The following MAFG variants were observed in gnomAD, a reference collection of about 807,000 sequenced individuals.
MAFG encodes transcription factor MafG.
A neutral mutation model predicts 12.2 loss-of-function variants in MAFG; 3 were observed. The ratio of observed to expected loss-of-function variants is 0.25; its 90% CI spans 0.11 to 0.64. The LOEUF (loss-of-function observed/expected upper bound fraction) is 0.64, where lower values mean the gene tolerates loss of function less well. Ranked by LOEUF, MAFG falls within the 30% of genes least tolerant of loss-of-function variation. The pLI is 0.85. For missense variants in MAFG, 153 were observed against 235.5 expected (o/e 0.65, Z 2.29); for synonymous variants, 126 against 109.1 (o/e 1.15, Z -0.96).
chr17:81,923,316 G>A (rs1026860022), intron 1 of MAFG, 102 bp from the exon 2 acceptor site: 97 of 684,564 alleles, frequency 1.4e-4, no homozygotes, highest in Admixed American at 9.1e-4. Flanking sequence ...CGCACAGCCC[G>A]CCCCAGCCTG....
Position 81,921,333 on chromosome 17 carries a change from A to T in MAFG, c.*1272T>A, listed in dbSNP as rs1294198607. The T allele has an allele frequency of 1.3e-5, 2 of 152,398 alleles. No individual in the cohort carries two copies. The highest frequency in any genetic ancestry group is 2.9e-5 in the Non-Finnish European group (2 of 68,112). The allele number at this position is 152,398 out of a possible 1,614,324, so 9.4% of individuals were successfully genotyped here. The stretch of plus-strand genomic sequence containing the variant: ...AGCCAGCAGAAGCAAAAGCACAACT[A>T]AACCCAAAAAACGAACACGGGAAAA... On this transcript the variant is annotated 3_prime_UTR_variant, in exon 3 of 3. Transcript: ENST00000357736.
At chr17:81,923,253 C>T in intron 1 of MAFG, 39 bp from the exon 2 acceptor site, 1 of 1,117,870 alleles carries the variant, frequency 8.9e-7, no homozygotes, top group Non-Finnish European at 1.2e-6. Flanking sequence ...TGGAGACCAC[C>T]CTCGCCGCAC....
Position 81,922,306 on chromosome 17 carries a change from G to T in MAFG, c.*299C>A. ...TCTCTCCCGCAACTCTCTCTAGTCC[G>T]TTCCCACAGCACCAACTCTGGACTC... On this transcript the variant is annotated 3_prime_UTR_variant, in exon 3 of 3. Coordinates refer to ENST00000357736, the MANE Select transcript of MAFG (RefSeq NM_002359.4). The T allele has an allele frequency of 4.2e-6, 1 of 239,672 alleles. No individual in the cohort carries two copies. Among genetic ancestry groups the T allele is most frequent in the Non-Finnish European group, 8.0e-6 (1 of 125,050 alleles). 14.8% of individuals were successfully genotyped at this position (239,672 alleles called of 1,614,324 possible).
chr17:81,921,917 T>C lies in MAFG; in HGVS notation c.*688A>G, dbSNP rs1034337344. ...GCTATATAACCACACAAATAGGTCA[T>C]GTAAACAGTGACACGGGACCCATCG... is the stretch of plus-strand genomic sequence containing the variant. On this transcript the variant is annotated 3_prime_UTR_variant, in exon 3 of 3. Coordinates refer to ENST00000357736, the MANE Select transcript of MAFG (RefSeq NM_002359.4). 2 of 152,210 alleles carry C rather than the reference T, an allele frequency of 1.3e-5. No individual in the cohort carries two copies. The highest frequency in any genetic ancestry group is 6.5e-5 in the Admixed American group (1 of 15,280). 9.4% of individuals were successfully genotyped at this position (152,210 alleles called of 1,614,324 possible).
rs1184864787 is a variant in MAFG, at chr17:81,921,582, T to A, written c.*1023A>T. On this transcript the variant is annotated 3_prime_UTR_variant, in exon 3 of 3. Coordinates refer to ENST00000357736, the MANE Select transcript of MAFG (RefSeq NM_002359.4). ...GGCTTTTTTTTTTTTGTCTTTTTTT[T>A]AAACTAAGTTTTATAAATAATGTCT... is the stretch of plus-strand genomic sequence containing the variant. The A allele has an allele frequency of 1.3e-5, 2 of 151,880 alleles. No individual in the cohort carries two copies. Among genetic ancestry groups the A allele is most frequent in the Non-Finnish European group, 2.9e-5 (2 of 67,966 alleles). 9.4% of individuals were successfully genotyped at this position (151,880 alleles called of 1,614,324 possible).
chr17:81,922,880 G>T lies in MAFG; in HGVS notation c.214C>A (p.Arg72=), dbSNP rs1394545936. The change falls in exon 3 of 3, where the codon CGG becomes AGG. Residue 72 remains arginine, a synonymous_variant. Coordinates refer to ENST00000357736, the MANE Select transcript of MAFG (RefSeq NM_002359.4). ...RGYAASCRVK[R]VTQKEELEKQ... ...TCCAGCTCCTCCTTCTGCGTCACCC[G>T]CTTCACGCGGCAGCTGGCAGCGTAG... is the stretch of plus-strand genomic sequence containing the variant. 4.3e-6 allele frequency: 7 copies of T among 1,611,070 alleles called. No homozygotes were observed. Among genetic ancestry groups the T allele is most frequent in the Middle Eastern group, 1.7e-4 (1 of 6,056 alleles).
rs2040890221 is a variant in MAFG at position 81,921,622 on chromosome 17, T to C, written c.*983A>G. The C allele has an allele frequency of 6.6e-6, 1 of 151,834 alleles. No homozygotes were observed. The highest frequency in any genetic ancestry group is 1.5e-5 in the Non-Finnish European group (1 of 67,962). 9.4% of individuals were successfully genotyped at this position (151,834 alleles called of 1,614,324 possible). On this transcript the variant is annotated 3_prime_UTR_variant, in exon 3 of 3. Transcript: ENST00000357736. ...AAATAATGTCTGATAACTCTGTGTATATAAAAACTAAACTCCAACAGCCAC... is the reference window on the plus strand; with the variant it reads ...AAATAATGTCTGATAACTCTGTGTACATAAAAACTAAACTCCAACAGCCAC...
upstream of MAFG, chr17:81,927,951 C>T (rs2040956547): frequency 6.6e-6 from 1 of 152,212 alleles, no homozygotes; most frequent in South Asian, 2.1e-4. Flanking sequence ...CCCCGGCGTC[C>T]TGCAGCCGGA....
rs1417044751 is a variant in MAFG at position 81,926,297 on chromosome 17, G to A, written c.-30+1231C>T. 6.6e-6 allele frequency among the ~76,000 whole-genome samples: 1 copy of A among 152,074 alleles called. No individual in the cohort carries two copies. The highest frequency in any genetic ancestry group is 1.5e-5 in the Non-Finnish European group (1 of 68,006). The stretch of plus-strand genomic sequence containing the variant: ...CAACTTTAGGGTGGCTGGGTGCTGC[G>A]TTCTGCCACCCTGTGCCATCCACAC... On this transcript the variant is annotated intron_variant, in intron 1 of 2. Coordinates refer to ENST00000357736, the MANE Select transcript of MAFG (RefSeq NM_002359.4). This position sits in a 1 kb window ranked among gnomAD's most constrained non-coding sequence, Gnocchi z 4.6.
chr17:81,930,063 A>G (rs1401943939), upstream of MAFG: 2 of 151,082 alleles, frequency 1.3e-5, no homozygotes, highest in Non-Finnish European at 2.9e-5. This position sits in a 1 kb window ranked among gnomAD's most constrained non-coding sequence, Gnocchi z 4.1. Flanking sequence ...GACTGACCTT[A>G]AGACCCCATC....
At chr17:81,928,700 C>G (rs376994686), upstream of MAFG, among the ~76,000 whole-genome samples, 6 of 152,306 alleles carry the variant, frequency 3.9e-5, no homozygotes, top group East Asian at 1.2e-3. The surrounding 1 kb of genome is among the most constrained non-coding windows in gnomAD (Gnocchi z 8.1). Context: ...GGACACAGCC[C>G]GAGTCTCACA....
At position 81,923,266 on chromosome 17, in the gene MAFG, C is replaced by CT. The variant is rs1555620246; in HGVS notation, c.-29-53_-29-52insA. 78 of 951,692 alleles carry CT rather than the reference C, an allele frequency of 8.2e-5. 3 individuals are homozygous for CT. The African/African-American group carries it at 1.5e-3, about 19-fold the overall frequency. 59.0% of individuals were successfully genotyped at this position (951,692 alleles called of 1,614,324 possible). A position where few individuals can be genotyped will look rare whatever the true frequency, so the allele number is the denominator to read the frequency against. ...CCTGGAGACCACCCTCGCCGCACCC[C>CT]CCCCCCCCCGCCCCCGGCCCAGTTC... On this transcript the variant is annotated intron_variant, in intron 1 of 2. Transcript: ENST00000357736.
In MAFG at chr17:81,922,557, C is replaced by T. The variant is rs1368022262; in HGVS notation, c.*48G>A. 3 of 1,367,454 alleles carry T rather than the reference C, an allele frequency of 2.2e-6. No homozygotes were observed. Among genetic ancestry groups the T allele is most frequent in the African/African-American group, 3.0e-5 (2 of 65,922 alleles). The allele number at this position is 1,367,454 out of a possible 1,614,324, so 84.7% of individuals were successfully genotyped here. On this transcript the variant is annotated 3_prime_UTR_variant, in exon 3 of 3. Coordinates refer to ENST00000357736, the MANE Select transcript of MAFG (RefSeq NM_002359.4). The stretch of plus-strand genomic sequence containing the variant: ...AGAGGGACAGGGCAGCCAAATTCGC[C>T]ATGTGCCTAGTGGCCCCGCAAAGAC...
rs1302466010 is a variant in MAFG, at chr17:81,926,426, C to T, written c.-30+1102G>A. Among the ~76,000 whole-genome samples the T allele has an allele frequency of 1.3e-5, 2 of 152,148 alleles. No homozygotes were observed. The highest frequency in any genetic ancestry group is 3.9e-4 in the East Asian group (2 of 5,186). On this transcript the variant is annotated intron_variant, in intron 1 of 2. Transcript: ENST00000357736. The surrounding 1 kb of genome is among the most constrained non-coding windows in gnomAD (Gnocchi z 4.6). Reference sequence around the variant, plus strand: ...ACTGGGGAGAGAGGCTGGGCTGCTTCCTCCCCTTTGCCGTTTCCTGGTAGA... The same window carrying T: ...ACTGGGGAGAGAGGCTGGGCTGCTTTCTCCCCTTTGCCGTTTCCTGGTAGA...
At position 81,921,171 on chromosome 17, in the gene MAFG, G is replaced by T. The variant is rs1383500932; in HGVS notation, c.*1434C>A. The T allele has an allele frequency of 6.6e-6, 1 of 152,222 alleles. No individual in the cohort carries two copies. Among genetic ancestry groups the T allele is most frequent in the South Asian group, 2.1e-4 (1 of 4,834 alleles). The allele number at this position is 152,222 out of a possible 1,614,324, so 9.4% of individuals were successfully genotyped here. On this transcript the variant is annotated 3_prime_UTR_variant, in exon 3 of 3. Transcript: ENST00000357736. ...ATCAGCCCAAGCCCTAGACACAGAT[G>T]TAGCCAAGGCTCAGTGGAGGGGGGC... is the stretch of plus-strand genomic sequence containing the variant.
At chr17:81,929,540 T>G (rs948163778), upstream of MAFG, 5 of 152,164 alleles carry the variant, frequency 3.3e-5, no homozygotes, top group African/African-American at 1.2e-4. This position sits in a 1 kb window ranked among gnomAD's most constrained non-coding sequence, Gnocchi z 5.7. Flanking sequence ...TCTCCTCACC[T>G]CCCCAGCGGC....
rs962652358 is a variant in MAFG at position 81,919,532 on chromosome 17, G to A, written c.*3073C>T. 4.6e-5 allele frequency: 7 copies of A among 152,318 alleles called. No homozygotes were observed. Among genetic ancestry groups the A allele is most frequent in the African/African-American group, 9.6e-5 (4 of 41,472 alleles). 9.4% of individuals were successfully genotyped at this position (152,318 alleles called of 1,614,324 possible). A position where few individuals can be genotyped will look rare whatever the true frequency, so the allele number is the denominator to read the frequency against. ...TCTGAGCGTCCATGTTAGGATAAAAGAGGAGTTGGGGCAAAGTTAAGGTGG... is the reference window on the plus strand; with the variant it reads ...TCTGAGCGTCCATGTTAGGATAAAAAAGGAGTTGGGGCAAAGTTAAGGTGG... On this transcript the variant is annotated 3_prime_UTR_variant, in exon 3 of 3. Coordinates refer to ENST00000357736, the MANE Select transcript of MAFG (RefSeq NM_002359.4).
At position 81,918,884 on chromosome 17, in the gene MAFG, C is replaced by G. The variant is rs2040857589; in HGVS notation, c.*3721G>C. ...ACAGTTTATCGGGGACACACTCTAG[C>G]TCAGACTCAAGGGACACCCATGGTA... On this transcript the variant is annotated 3_prime_UTR_variant, in exon 3 of 3. Transcript: ENST00000357736. The G allele has an allele frequency of 1.3e-5, 2 of 152,324 alleles. No individual in the cohort carries two copies. The highest frequency in any genetic ancestry group is 4.1e-4 in the South Asian group (2 of 4,856). The allele number at this position is 152,324 out of a possible 1,614,324, so 9.4% of individuals were successfully genotyped here.
In MAFG at chr17:81,924,719, G is replaced by C. The variant is rs2143822076; in HGVS notation, c.-29-1505C>G. Among the ~76,000 whole-genome samples, 1 of 152,272 alleles carries C rather than the reference G, an allele frequency of 6.6e-6. No homozygotes were observed. Among genetic ancestry groups the C allele is most frequent in the East Asian group, 1.9e-4 (1 of 5,170 alleles). On this transcript the variant is annotated intron_variant, in intron 1 of 2. Transcript: ENST00000357736. The surrounding 1 kb of genome is among the most constrained non-coding windows in gnomAD (Gnocchi z 4.7). Reference sequence around the variant, plus strand: ...TAAAGGATGGGGAAGACCTGAGCTGGAGGTCAGAAGGCCCACAGGAGCCCT... The same window carrying C: ...TAAAGGATGGGGAAGACCTGAGCTGCAGGTCAGAAGGCCCACAGGAGCCCT...
Sources: allele counts gnomAD v4.1 joint callset (sites outside exome capture counted in the v4.1 genomes callset), GRCh38; gene constraint gnomAD v4.1.1; non-coding constraint Gnocchi (gnomAD v3.1); transcripts MANE v1.5; gene names NCBI Gene and HGNC (gene_info 2026-07-23, HGNC 2026-07-21).